The following WIPF1 variants were observed in gnomAD, a reference collection of about 807,000 sequenced individuals.
WIPF1 encodes the protein WAS/WASL-interacting protein family member 1.
A neutral mutation model predicts 35.4 loss-of-function variants in WIPF1; 13 were observed. The ratio of observed to expected loss-of-function variants is 0.37; its 90% CI spans 0.24 to 0.58. The LOEUF (loss-of-function observed/expected upper bound fraction) is 0.58. Among genes scored for constraint, WIPF1 ranks in the 20% least tolerant of loss-of-function variants. WIPF1 has a pLI of 0.74. For missense variants in WIPF1, 591 were observed against 667.0 expected (o/e 0.89, Z 1.25); for synonymous variants, 267 against 266.3 (o/e 1.00, Z -0.02).
intron 1 of WIPF1, among the ~76,000 whole-genome samples, chr2:174,593,145 G>C (rs1463827773): frequency 6.6e-6 from 1 of 151,658 alleles, no homozygotes; most frequent in Admixed American, 6.6e-5. Context: ...TATGAAAAAG[G>C]GTTGGGGGTA....
At chr2:174,585,127 G>A (rs1442458284) in intron 2 of WIPF1, among the ~76,000 whole-genome samples, 22 of 152,190 alleles carry the variant, frequency 1.4e-4, no homozygotes. Context: ...TGCACTGCAG[G>A]CAGAGACCTG....
Position 174,561,957 on chromosome 2 carries a change from A to T in WIPF1, c.*590T>A. On this transcript the variant is annotated 3_prime_UTR_variant, in exon 8 of 8. Coordinates refer to ENST00000679041, the MANE Select transcript of WIPF1 (RefSeq NM_001375834.1). ...GGTTGAAATATTTTGGATGCATATTAACTTCACTTGTTTAAAATATATTAG... is the reference window on the plus strand; with the variant it reads ...GGTTGAAATATTTTGGATGCATATTTACTTCACTTGTTTAAAATATATTAG... The T allele has an allele frequency of 1.8e-6, 2 of 1,140,814 alleles. No homozygotes were observed. The highest frequency in any genetic ancestry group is 2.5e-6 in the Non-Finnish European group (2 of 811,496). 70.7% of individuals were successfully genotyped at this position (1,140,814 alleles called of 1,614,324 possible).
intron 1 of WIPF1, among the ~76,000 whole-genome samples, chr2:174,635,476 C>T (rs961127130): frequency 6.6e-6 from 1 of 151,460 alleles, no homozygotes; most frequent in African/African-American, 2.4e-5. Context: ...AAGCAACAAG[C>T]CCAAGGGCAC....
chr2:174,608,653 G>A (rs768415005), intron 1 of WIPF1, among the ~76,000 whole-genome samples: 15 of 152,150 alleles, frequency 9.9e-5, no homozygotes, highest in Non-Finnish European at 1.0e-4. Context: ...GGGAGAAACT[G>A]GTGGAAAGCC....
chr2:174,581,250 G>C lies in WIPF1; in HGVS notation c.181+60C>G. 2.5e-6 allele frequency: 4 copies of C among 1,597,312 alleles called. No individual in the cohort carries two copies. In the South Asian group the frequency reaches 4.5e-5, roughly 18 times the overall value. ...AAATAAAAATTGAGTGGTGAGGGTA[G>C]GGTTGATTATTAGGCCATAAACTGT... On this transcript the variant is annotated intron_variant, in intron 3 of 7. Transcript: ENST00000679041.
At position 174,560,278 on chromosome 2, in the gene WIPF1, A is replaced by C. The variant is rs1354282350; in HGVS notation, c.*2269T>G. On this transcript the variant is annotated 3_prime_UTR_variant, in exon 8 of 8. Coordinates refer to ENST00000679041, the MANE Select transcript of WIPF1 (RefSeq NM_001375834.1). Reference sequence around the variant, plus strand: ...TCACTTAAACACTACATTCTAAAACAATCTATTCTGGATGAATGGCAACTT... The same window carrying C: ...TCACTTAAACACTACATTCTAAAACCATCTATTCTGGATGAATGGCAACTT... 6 of 152,664 alleles carry C rather than the reference A, an allele frequency of 3.9e-5. No individual in the cohort carries two copies. Among genetic ancestry groups the C allele is most frequent in the Admixed American group, 3.9e-4 (6 of 15,286 alleles). 9.5% of individuals were successfully genotyped at this position (152,664 alleles called of 1,614,324 possible). A position where few individuals can be genotyped will look rare whatever the true frequency, so the allele number is the denominator to read the frequency against.
chr2:174,615,407 G>A lies in WIPF1; in HGVS notation c.-38-29796C>T, dbSNP rs188062905. Among the ~76,000 whole-genome samples the A allele has an allele frequency of 7.9e-5, 12 of 152,214 alleles. No homozygotes were observed. In the East Asian group the frequency reaches 2.3e-3, roughly 29 times the overall value. ...AATGTAGCATGGTTATGTATTTTAA[G>A]TCTCTAGTCCTATTTTCCTTAGTGT... On this transcript the variant is annotated intron_variant, in intron 1 of 8. Coordinates refer to the WIPF1 transcript ENST00000272746.
In WIPF1 at chr2:174,562,558, T is replaced by C; in HGVS notation, c.1501A>G (p.Ile501Val). 6.2e-7 allele frequency: 1 copy of C among 1,614,178 alleles called. No homozygotes were observed. The highest frequency in any genetic ancestry group is 8.5e-7 in the Non-Finnish European group (1 of 1,180,022). ...RERGAPPLPP[I>V]PR ...AGAGCAGGCAAAGATCACCTCGGGA[T>C]GGGAGGGAGTGGTGGAGCACCCCTT... Residue 501 changes from isoleucine to valine, a missense_variant, in exon 8 of 8, where the codon ATC (isoleucine) becomes GTC (valine). By Grantham distance (29) the Ile-to-Val change is conservative. Coordinates refer to ENST00000679041, the MANE Select transcript of WIPF1 (RefSeq NM_001375834.1).
chr2:174,595,088 CA>C (rs57521272), intron 1 of WIPF1, among the ~76,000 whole-genome samples: 27 of 5,062 alleles, frequency 5.3e-3, no homozygotes, highest in Admixed American at 0.019. Flanking sequence ...CTCATCTCTA[CA>C]AAAAAAAAAA....
intron 1 of WIPF1, among the ~76,000 whole-genome samples, chr2:174,636,516 C>T (rs1687185566): frequency 6.6e-6 from 1 of 152,090 alleles, no homozygotes; most frequent in African/African-American, 2.4e-5. Context: ...ATTAATAAAC[C>T]AATAGTGATA....
chr2:174,570,428 G>A (rs546679778), intron 5 of WIPF1: 34 of 152,254 alleles, frequency 2.2e-4, no homozygotes, highest in African/African-American at 7.7e-4. Context: ...TAATAAACAA[G>A]TATGACTTAC....
Position 174,561,200 on chromosome 2 carries a change from C to A in WIPF1, c.*1347G>T, listed in dbSNP as rs1353418927. ...CAAATGATGCAAAACAAATTCCCTCCAATTTCCACTAGCAATCTCCCTAAT... is the reference window on the plus strand; with the variant it reads ...CAAATGATGCAAAACAAATTCCCTCAAATTTCCACTAGCAATCTCCCTAAT... On this transcript the variant is annotated 3_prime_UTR_variant, in exon 8 of 8. Transcript: ENST00000679041. The A allele has an allele frequency of 3.3e-5, 5 of 152,646 alleles. No homozygotes were observed. Among genetic ancestry groups the A allele is most frequent in the African/African-American group, 1.2e-4 (5 of 41,456 alleles). The allele number at this position is 152,646 out of a possible 1,614,324, so 9.5% of individuals were successfully genotyped here.
At chr2:174,639,558 G>GT (rs1049974005) in intron 1 of WIPF1, among the ~76,000 whole-genome samples, 6 of 151,150 alleles carry the variant, frequency 4.0e-5, no homozygotes, top group Admixed American at 1.3e-4. Context: ...TTTGTTTTTG[G>GT]TTTTTTTGTT....
At chr2:174,586,219 T>A (rs916981453) in intron 1 of WIPF1, among the ~76,000 whole-genome samples, 1 of 152,024 alleles carries the variant, frequency 6.6e-6, no homozygotes. Context: ...CAACCTTATG[T>A]TTGGAGCACT....
intron 1 of WIPF1, among the ~76,000 whole-genome samples, chr2:174,647,836 T>A (rs775878907): frequency 6.6e-6 from 1 of 152,240 alleles, no homozygotes; most frequent in Non-Finnish European, 1.5e-5. Flanking sequence ...ACTGTTTATG[T>A]AGCATAAAGC....
intron 1 of WIPF1, among the ~76,000 whole-genome samples, chr2:174,632,920 G>C (rs1687072286): frequency 1.3e-5 from 2 of 152,162 alleles, no homozygotes; most frequent in African/African-American, 4.8e-5. Context: ...CTGCTAAGTT[G>C]TAAGCCTCTT....
At chr2:174,612,687 C>T (rs994997410) in intron 1 of WIPF1, among the ~76,000 whole-genome samples, 4 of 151,814 alleles carry the variant, frequency 2.6e-5, no homozygotes, top group South Asian at 2.1e-4. Context: ...GCTATTATGA[C>T]GTTTCAAAAT....
At position 174,644,645 on chromosome 2, in the gene WIPF1, C is replaced by T. The variant is rs531640093; in HGVS notation, c.-39+38129G>A. ...GGAGGCTCTCAGGGTGGGTTTCCTA[C>T]TACCTCATTTCCAGTCACTAAAAGC... is the stretch of plus-strand genomic sequence containing the variant. On this transcript the variant is annotated intron_variant, in intron 1 of 8. Transcript: ENST00000272746. 2.6e-5 allele frequency among the ~76,000 whole-genome samples: 4 copies of T among 152,294 alleles called. No homozygotes were observed. In the East Asian group the frequency reaches 7.7e-4, roughly 29 times the overall value.
At chr2:174,668,062 G>A in intron 1 of WIPF1, among the ~76,000 whole-genome samples, 1 of 152,078 alleles carries the variant, frequency 6.6e-6, no homozygotes, top group East Asian at 1.9e-4. Context: ...GTTACGTTTT[G>A]TACCTGAAGG....
Sources: gnomAD v4.1 joint callset for allele counts (sites outside exome capture counted in the v4.1 genomes callset) on GRCh38, gnomAD v4.1.1 for gene constraint, MANE v1.5 for transcripts, NCBI Gene and HGNC (gene_info 2026-07-23, HGNC 2026-07-21) for gene names.